Variants in ATP8A1 observed in about 807,000 individuals in gnomAD.
ATP8A1 encodes the protein phospholipid-transporting ATPase IA.
A neutral mutation model predicts 177.7 loss-of-function variants in ATP8A1; 90 were observed. The ratio of observed to expected loss-of-function variants is 0.51; its 90% CI spans 0.43 to 0.60. The LOEUF is 0.60. ATP8A1 is among the 20% of genes least tolerant of loss of function. ATP8A1 has a pLI of 0.00. For missense variants in ATP8A1, 1,072 were observed against 1,392.8 expected (o/e 0.77, Z 3.67); for synonymous variants, 493 against 485.9 (o/e 1.01, Z -0.19).
chr4:42,648,038 G>C (rs530922002), intron 1 of ATP8A1, among the ~76,000 whole-genome samples: 1 of 152,144 alleles, frequency 6.6e-6, no homozygotes, highest in Non-Finnish European at 1.5e-5. Context: ...AATGAATTCA[G>C]ACTGATACCA....
At chr4:42,510,982 T>C (rs1724946157) in intron 22 of ATP8A1, among the ~76,000 whole-genome samples, 1 of 152,168 alleles carries the variant, frequency 6.6e-6, no homozygotes. Flanking sequence ...CACAAATCCT[T>C]AAGAAGAATA....
intron 25 of ATP8A1, among the ~76,000 whole-genome samples, chr4:42,474,648 G>GA (rs1720851892): frequency 6.6e-6 from 1 of 152,126 alleles, no homozygotes; most frequent in Admixed American, 6.5e-5. Context: ...CTCACACGGG[G>GA]AATTCCATCA....
intron 10 of ATP8A1, among the ~76,000 whole-genome samples, chr4:42,581,357 T>G (rs1305526823): frequency 2.0e-5 from 3 of 152,180 alleles, no homozygotes; most frequent in East Asian, 1.9e-4. Flanking sequence ...ATGATCTTGA[T>G]CTCCTGACCT....
intron 15 of ATP8A1, among the ~76,000 whole-genome samples, chr4:42,559,756 A>G (rs1456350491): frequency 1.3e-5 from 2 of 152,148 alleles, no homozygotes. Context: ...GCTCACTTGG[A>G]GTGCAGTGAC....
At chr4:42,430,278 C>T (rs1191140251) in intron 33 of ATP8A1, among the ~76,000 whole-genome samples, 1 of 151,058 alleles carries the variant, frequency 6.6e-6, no homozygotes, top group Non-Finnish European at 1.5e-5. Flanking sequence ...CAACAGCCTG[C>T]TAGGGGTCCC....
At chr4:42,556,809 T>C (rs1301733125) in intron 15 of ATP8A1, among the ~76,000 whole-genome samples, 1 of 152,112 alleles carries the variant, frequency 6.6e-6, no homozygotes, top group Non-Finnish European at 1.5e-5. Context: ...GTTTGCAAAA[T>C]TTAGTGAAAA....
At chr4:42,563,447 C>T (rs1269163831) in intron 15 of ATP8A1, among the ~76,000 whole-genome samples, 1 of 152,090 alleles carries the variant, frequency 6.6e-6, no homozygotes, top group Non-Finnish European at 1.5e-5. Context: ...TGCAGCCTGA[C>T]AATGTGATAG....
At chr4:42,549,992 G>A (rs543448973) in intron 18 of ATP8A1, among the ~76,000 whole-genome samples, 1 of 152,250 alleles carries the variant, frequency 6.6e-6, no homozygotes, top group East Asian at 1.9e-4. Context: ...AGAGTCAAAT[G>A]AAAATTGTGC....
rs561597966 is a variant in ATP8A1, at chr4:42,610,370, T to G, written c.409+5663A>C. On this transcript the variant is annotated intron_variant, in intron 5 of 36. Coordinates refer to ENST00000381668, the MANE Select transcript of ATP8A1 (RefSeq NM_006095.2). ...ATTTTTCCCAGAAAATATGTTAATA[T>G]AACTTATTTGGGTTTGGCAAAAACA... Among the ~76,000 whole-genome samples, 20 of 152,250 alleles carry G rather than the reference T, an allele frequency of 1.3e-4. No homozygotes were observed. The South Asian group carries it at 3.3e-3, about 25-fold the overall frequency.
chr4:42,452,256 T>A (rs1718009146), intron 29 of ATP8A1, among the ~76,000 whole-genome samples, 197 bp from the exon 30 acceptor site: 1 of 152,224 alleles, frequency 6.6e-6, no homozygotes, highest in Non-Finnish European at 1.5e-5. Context: ...TTTCTCAAAA[T>A]GTTTTTTCAG....
chr4:42,510,454 C>A (rs1578078190), intron 22 of ATP8A1, among the ~76,000 whole-genome samples: 1 of 152,102 alleles, frequency 6.6e-6, no homozygotes, highest in South Asian at 2.1e-4. Context: ...TTAAATCATT[C>A]TGGCTCACAT....
intron 22 of ATP8A1, among the ~76,000 whole-genome samples, chr4:42,517,930 T>C (rs886574606): frequency 7.9e-5 from 12 of 152,284 alleles, no homozygotes; most frequent in Admixed American, 3.9e-4. Context: ...CTCCTTCCCA[T>C]AGTGTTCCCC....
chr4:42,578,209 C>A, intron 12 of ATP8A1, 51 bp downstream of exon 12: 1 of 1,487,646 alleles, frequency 6.7e-7, no homozygotes, highest in Non-Finnish European at 9.0e-7. Context: ...TCAAAATATC[C>A]TAAGGACAAA....
chr4:42,632,950 C>G (rs978689377), intron 1 of ATP8A1, among the ~76,000 whole-genome samples: 1 of 152,192 alleles, frequency 6.6e-6, no homozygotes, highest in Non-Finnish European at 1.5e-5. Flanking sequence ...TGCTGAGCAG[C>G]AGGCAGAAAA....
At chr4:42,471,302 G>GTT in intron 25 of ATP8A1, among the ~76,000 whole-genome samples, 1 of 152,266 alleles carries the variant, frequency 6.6e-6, no homozygotes, top group East Asian at 1.9e-4. Context: ...TTGATATACT[G>GTT]TGCAGTCATA....
At chr4:42,600,836 G>C (rs78514450) in intron 5 of ATP8A1, among the ~76,000 whole-genome samples, 1 of 152,002 alleles carries the variant, frequency 6.6e-6, no homozygotes, top group East Asian at 1.9e-4. Flanking sequence ...AAAAGGAAGC[G>C]ACAAGCTTAA....
chr4:42,466,953 C>A (rs548706782), intron 25 of ATP8A1, among the ~76,000 whole-genome samples: 1 of 152,258 alleles, frequency 6.6e-6, no homozygotes, highest in South Asian at 2.1e-4. Flanking sequence ...TAGAGAGAAG[C>A]ATTTGAAAGC....
At chr4:42,450,744 G>A (rs1389872768) in intron 30 of ATP8A1, among the ~76,000 whole-genome samples, 1 of 152,198 alleles carries the variant, frequency 6.6e-6, no homozygotes, top group Non-Finnish European at 1.5e-5. Flanking sequence ...TTCACAATTT[G>A]CTGAGTGCCT....
At chr4:42,583,769 CA>C (rs1345384262) in intron 9 of ATP8A1, among the ~76,000 whole-genome samples, 1 of 152,180 alleles carries the variant, frequency 6.6e-6, no homozygotes, top group Non-Finnish European at 1.5e-5. Context: ...ATCTATCTTT[CA>C]CATGAAATAC....
Sources: gnomAD v4.1 joint callset for allele counts (sites outside exome capture counted in the v4.1 genomes callset) on GRCh38, gnomAD v4.1.1 for gene constraint, MANE v1.5 for transcripts, NCBI Gene and HGNC (gene_info 2026-07-23, HGNC 2026-07-21) for gene names.